Variants in SLC35A3 observed in about 807,000 individuals in gnomAD.
The protein encoded by SLC35A3 is UDP-N-acetylglucosamine transporter.
SLC35A3 carries 26 observed loss-of-function variants against 39.0 expected under a neutral mutation model. That is an observed-to-expected ratio of 0.67 (90% CI 0.49 to 0.92). The LOEUF is 0.92. SLC35A3 is among the 40% of genes least tolerant of loss of function. The probability of loss-of-function intolerance (pLI) is 0.00; values close to 1 mark genes in which losing one functional copy is unlikely to be tolerated. For synonymous variants in SLC35A3, 135 were observed against 133.1 expected, an observed-to-expected ratio of 1.01 and a Z score of -0.10; for missense variants, 299 against 371.6, an observed-to-expected ratio of 0.80 and a Z score of 1.61.
chr1:99,999,588 G>C (rs566687593), intron 3 of SLC35A3, among the ~76,000 whole-genome samples, 173 bp downstream of exon 3: 2 of 151,916 alleles, frequency 1.3e-5, no homozygotes, highest in Non-Finnish European at 2.9e-5. Flanking sequence ...CTTTGTGTTG[G>C]GGACATTTCA....
chr1:99,978,139 AAAAC>A (rs1392185697), intron 1 of SLC35A3, among the ~76,000 whole-genome samples: 3 of 152,238 alleles, frequency 2.0e-5, no homozygotes, highest in African/African-American at 7.2e-5. Flanking sequence ...TCAAGTTATA[AAAAC>A]AAACATACTA....
chr1:99,993,728 C>T lies in SLC35A3; in HGVS notation c.174C>T (p.Val58=), dbSNP rs1403560766. The change falls in exon 2 of 8, where the codon GTC becomes GTT. Residue 58 remains valine (V), a synonymous_variant. Transcript: ENST00000533028. ...AGATAATGGCCTGCATTTTATTGGT[C>T]TACAAAGACAGCAGTAGGTATCTAG... is the stretch of plus-strand genomic sequence containing the variant. ...LLKIMACILL[V]YKDSKCSLRA... 4 of 1,613,592 alleles carry T rather than the reference C, an allele frequency of 2.5e-6. No individual in the cohort carries two copies. The highest frequency in any genetic ancestry group is 1.7e-5 in the Admixed American group (1 of 59,984).
chr1:99,972,571 A>C (rs1232646801), intron 1 of SLC35A3, among the ~76,000 whole-genome samples: 1 of 151,846 alleles, frequency 6.6e-6, no homozygotes, highest in Non-Finnish European at 1.5e-5. Context: ...TCCTGGCCTC[A>C]AGTGATCCAC....
intron 1 of SLC35A3, among the ~76,000 whole-genome samples, chr1:99,980,090 TTATATA>T (rs1180124359): frequency 6.6e-6 from 1 of 151,898 alleles, no homozygotes; most frequent in East Asian, 1.9e-4. Flanking sequence ...ATTGAAGTGT[TTATATA>T]TATATGTATT....
At chr1:100,000,769 A>G (rs962229291) in intron 3 of SLC35A3, 2 of 152,152 alleles carry the variant, frequency 1.3e-5, no homozygotes, top group African/African-American at 4.8e-5. Context: ...AATAACAGCC[A>G]TAAAATCTGC....
At chr1:99,975,530 T>A (rs2101025106) in intron 1 of SLC35A3, among the ~76,000 whole-genome samples, 1 of 152,244 alleles carries the variant, frequency 6.6e-6, no homozygotes, top group Admixed American at 6.5e-5. Context: ...GGAAGACATA[T>A]GAAACTTCAC....
intron 1 of SLC35A3, among the ~76,000 whole-genome samples, chr1:99,980,938 G>A (rs1013415839): frequency 6.6e-6 from 1 of 152,308 alleles, no homozygotes; most frequent in East Asian, 1.9e-4. Flanking sequence ...TCAAGTACAA[G>A]ATATTGTTGC....
chr1:99,995,042 GT>G (rs1487032358), intron 2 of SLC35A3, among the ~76,000 whole-genome samples: 1 of 150,696 alleles, frequency 6.6e-6, no homozygotes, highest in African/African-American at 2.4e-5. Context: ...GTTTTGACTT[GT>G]GTTTCTCTAA....
At chr1:99,993,776 A>G (rs771709083) in intron 2 of SLC35A3, 35 bp downstream of exon 2, 3 of 1,578,558 alleles carry the variant, frequency 1.9e-6, no homozygotes, top group Non-Finnish European at 1.7e-6. Context: ...TAATCAATGC[A>G]ATTTATTTAG....
At position 100,023,327 on chromosome 1, in the gene SLC35A3, A is replaced by G. The variant is rs1660679032; in HGVS notation, c.*851A>G. The G allele has an allele frequency of 6.6e-6, 1 of 152,150 alleles. No individual in the cohort carries two copies. The highest frequency in any genetic ancestry group is 1.5e-5 in the Non-Finnish European group (1 of 68,038). 9.4% of individuals were successfully genotyped at this position (152,150 alleles called of 1,614,324 possible). A position where few individuals can be genotyped will look rare whatever the true frequency, so the allele number is the denominator to read the frequency against. On this transcript the variant is annotated 3_prime_UTR_variant, in exon 8 of 8. Coordinates refer to ENST00000533028, the MANE Select transcript of SLC35A3 (RefSeq NM_012243.3). The stretch of plus-strand genomic sequence containing the variant: ...CATTAAATTTTCAAAATGTAATTTA[A>G]AAGGATTAAATACTCATTTAATAAT...
intron 3 of SLC35A3, chr1:100,000,649 C>T (rs927252207): frequency 7.2e-5 from 11 of 151,910 alleles, no homozygotes; most frequent in African/African-American, 2.4e-4. Context: ...AAATATGGAA[C>T]ACTTCATGAA....
intron 1 of SLC35A3, among the ~76,000 whole-genome samples, chr1:99,987,567 C>A (rs1216413694): frequency 1.3e-5 from 2 of 152,116 alleles, no homozygotes; most frequent in Non-Finnish European, 2.9e-5. Context: ...ATTTAGTAAG[C>A]TAGACTTAAT....
rs1660985142 is a variant in SLC35A3 at position 100,027,421 on chromosome 1, T to C, written c.*4945T>C. On this transcript the variant is annotated 3_prime_UTR_variant, in exon 8 of 8. Coordinates refer to ENST00000533028, the MANE Select transcript of SLC35A3 (RefSeq NM_012243.3). ...AAACCATGATGACACTACTGGACTC[T>C]AGCCTGAGTGACAGTGAGACTCTGT... 5.3e-6 allele frequency: 2 copies of C among 378,632 alleles called. No individual in the cohort carries two copies. Among genetic ancestry groups the C allele is most frequent in the Non-Finnish European group, 9.3e-6 (2 of 213,980 alleles). The allele number at this position is 378,632 out of a possible 1,614,324, so 23.5% of individuals were successfully genotyped here.
At chr1:99,990,240 T>TG (rs1657995916) in intron 1 of SLC35A3, among the ~76,000 whole-genome samples, 1 of 152,044 alleles carries the variant, frequency 6.6e-6, no homozygotes, top group Non-Finnish European at 1.5e-5. Context: ...TAGTTAATAT[T>TG]TGGTGTGAGA....
rs915787453 is a variant in SLC35A3 at position 100,030,514 on chromosome 1, T to G, written c.*8038T>G. 11 of 152,204 alleles carry G rather than the reference T, an allele frequency of 7.2e-5. No homozygotes were observed. Among genetic ancestry groups the G allele is most frequent in the African/African-American group, 2.4e-4 (10 of 41,444 alleles). 9.4% of individuals were successfully genotyped at this position (152,204 alleles called of 1,614,324 possible). On this transcript the variant is annotated 3_prime_UTR_variant, in exon 8 of 8. Transcript: ENST00000533028. ...TTTAAAGCTCATCAGCTATTATTAG[T>G]TACTGTATTTTATATGTGGCCCAAG...
At chr1:99,979,874 T>A (rs1217061053) in intron 1 of SLC35A3, among the ~76,000 whole-genome samples, 1 of 151,872 alleles carries the variant, frequency 6.6e-6, no homozygotes, top group African/African-American at 2.4e-5. Flanking sequence ...TGAAACCCCG[T>A]CTCTACTAGA....
chr1:99,971,149 T>C (rs1265175497), intron 1 of SLC35A3, among the ~76,000 whole-genome samples: 1 of 152,178 alleles, frequency 6.6e-6, no homozygotes, highest in Non-Finnish European at 1.5e-5. Flanking sequence ...TTTTTTTGGT[T>C]ATTCCTTCCT....
At chr1:99,982,741 A>G (rs1657530036) in intron 1 of SLC35A3, among the ~76,000 whole-genome samples, 1 of 152,216 alleles carries the variant, frequency 6.6e-6, no homozygotes, top group Non-Finnish European at 1.5e-5. Flanking sequence ...CCATCATCCA[A>G]ACTCATTAAA....
Position 100,024,781 on chromosome 1 carries a change from C to A in SLC35A3, c.*2305C>A. 1 of 395,776 alleles carries A rather than the reference C, an allele frequency of 2.5e-6. No individual in the cohort carries two copies. Among genetic ancestry groups the A allele is most frequent in the Non-Finnish European group, 4.4e-6 (1 of 225,004 alleles). 24.5% of individuals were successfully genotyped at this position (395,776 alleles called of 1,614,324 possible). On this transcript the variant is annotated 3_prime_UTR_variant, in exon 8 of 8. Coordinates refer to ENST00000533028, the MANE Select transcript of SLC35A3 (RefSeq NM_012243.3). ...TGCAGGCGTGAGCCACTGCGCCCGG[C>A]CTATACTGTATATATTTTTAAAGAC...
Sources: allele counts gnomAD v4.1 joint callset (sites outside exome capture counted in the v4.1 genomes callset), GRCh38; gene constraint gnomAD v4.1.1; transcripts MANE v1.5; gene names NCBI Gene and HGNC (gene_info 2026-07-23, HGNC 2026-07-21).